UNC5D: variants seen among roughly 807,000 people sequenced by gnomAD.
UNC5D encodes unc-5 netrin receptor D, also known as netrin receptor UNC5D.
In UNC5D, 39 loss-of-function variants were observed where a neutral mutation model predicts 105.4. The observed-to-expected ratio is 0.37, with a 90% CI of 0.29 to 0.48. The LOEUF is 0.48. UNC5D is among the 20% of genes least tolerant of loss of function. UNC5D has a pLI of 0.98. For missense variants in UNC5D, 991 were observed against 1,202.4 expected (o/e 0.82, Z 2.60); for synonymous variants, 452 against 450.4 (o/e 1.00, Z -0.04).
intron 1 of UNC5D, among the ~76,000 whole-genome samples, chr8:35,502,330 G>T (rs894916167): frequency 2.0e-5 from 3 of 152,142 alleles, no homozygotes; most frequent in Non-Finnish European, 4.4e-5. Context: ...TAAAGAGTAG[G>T]TGCTATTCAG....
Position 35,259,747 on chromosome 8 carries a change from CT to C in UNC5D, c.103+23875del, listed in dbSNP as rs75188468. 9.2e-3 allele frequency among the ~76,000 whole-genome samples: 1,262 copies of C among 137,572 alleles called. 7 individuals are homozygous for C. The highest frequency in any genetic ancestry group is 0.015 in the African/African-American group (565 of 37,420). 90.3% of individuals were successfully genotyped at this position (137,572 alleles called of 152,430 possible). On this transcript the variant is annotated intron_variant, in intron 1 of 16. Transcript: ENST00000404895. The stretch of plus-strand genomic sequence containing the variant: ...AGAAGAGTGCAAAAAGCTGACTGAT[CT>C]TTTTTTTTTTTTTTAAATGCTGTAA...
chr8:35,295,467 G>A (rs979504051), intron 1 of UNC5D, among the ~76,000 whole-genome samples: 27 of 151,968 alleles, frequency 1.8e-4, no homozygotes, highest in African/African-American at 6.3e-4. Context: ...ACACAGCTCA[G>A]GCCTGTGTTG....
At chr8:35,546,608 A>C (rs1021964782) in intron 1 of UNC5D, among the ~76,000 whole-genome samples, 1 of 152,186 alleles carries the variant, frequency 6.6e-6, no homozygotes, top group Non-Finnish European at 1.5e-5. Context: ...TAAAGCCCCT[A>C]ATAGGAGTGT....
At chr8:35,602,233 C>A (rs922849897) in intron 4 of UNC5D, among the ~76,000 whole-genome samples, 1 of 152,164 alleles carries the variant, frequency 6.6e-6, no homozygotes, top group African/African-American at 2.4e-5. Context: ...CATCAGTGTT[C>A]ATCAAGGATA....
intron 1 of UNC5D, among the ~76,000 whole-genome samples, chr8:35,440,745 A>G (rs905869662): frequency 5.3e-5 from 8 of 151,958 alleles, no homozygotes; most frequent in African/African-American, 1.9e-4. Flanking sequence ...GCCAATTTTT[A>G]TCTTCCCTAG....
chr8:35,362,081 T>G (rs748221248), intron 1 of UNC5D, among the ~76,000 whole-genome samples: 7 of 152,186 alleles, frequency 4.6e-5, no homozygotes, highest in Non-Finnish European at 8.8e-5. Flanking sequence ...GTATCAGACA[T>G]GATCTAAGTT....
At chr8:35,642,004 A>G (rs1248553842) in intron 4 of UNC5D, among the ~76,000 whole-genome samples, 1 of 152,132 alleles carries the variant, frequency 6.6e-6, no homozygotes, top group Admixed American at 6.6e-5. Context: ...AGGGAGCTAA[A>G]ATCTCTCTTA....
chr8:35,697,343 T>C (rs927385297), intron 7 of UNC5D, among the ~76,000 whole-genome samples: 12 of 151,912 alleles, frequency 7.9e-5, no homozygotes, highest in African/African-American at 2.7e-4. Flanking sequence ...ATGTTTTTTT[T>C]TTTTTGGAGA....
chr8:35,654,630 T>C (rs1215074492), intron 4 of UNC5D, among the ~76,000 whole-genome samples: 1 of 152,194 alleles, frequency 6.6e-6, no homozygotes, highest in African/African-American at 2.4e-5. Flanking sequence ...TTGGTTTTTT[T>C]TTCTTTTTTT....
chr8:35,451,747 G>A (rs766126128), intron 1 of UNC5D, among the ~76,000 whole-genome samples: 5 of 152,096 alleles, frequency 3.3e-5, no homozygotes, highest in Non-Finnish European at 7.3e-5. Flanking sequence ...GTTTGAACTT[G>A]TTGCTGAATG....
chr8:35,549,594 A>AC, intron 2 of UNC5D, 84 bp downstream of exon 2: 1 of 1,305,694 alleles, frequency 7.7e-7, no homozygotes. Flanking sequence ...ACTGGAAATC[A>AC]CCCCCCATTG....
chr8:35,309,827 C>A (rs972549328), intron 1 of UNC5D, among the ~76,000 whole-genome samples: 2 of 152,082 alleles, frequency 1.3e-5, no homozygotes, highest in African/African-American at 4.8e-5. Flanking sequence ...TGGGATAGGG[C>A]CCAAATAATT....
intron 1 of UNC5D, among the ~76,000 whole-genome samples, chr8:35,252,810 A>G (rs1803801215): frequency 6.6e-6 from 1 of 152,142 alleles, no homozygotes; most frequent in Admixed American, 6.5e-5. Context: ...TGAACATGCT[A>G]TCTTTTCCAG....
At chr8:35,665,024 G>A (rs1039349890) in intron 4 of UNC5D, among the ~76,000 whole-genome samples, 2 of 151,982 alleles carry the variant, frequency 1.3e-5, no homozygotes, top group Admixed American at 1.3e-4. Flanking sequence ...TATAGAGACA[G>A]GGTCTTGTTT....
chr8:35,300,103 A>G (rs1807819443), intron 1 of UNC5D, among the ~76,000 whole-genome samples: 1 of 152,090 alleles, frequency 6.6e-6, no homozygotes, highest in Admixed American at 6.6e-5. Flanking sequence ...GAGGTAGTAG[A>G]GATGAGGAAG....
chr8:35,337,088 A>C (rs2128898343), intron 1 of UNC5D, among the ~76,000 whole-genome samples: 1 of 152,294 alleles, frequency 6.6e-6, no homozygotes, highest in African/African-American at 2.4e-5. Flanking sequence ...TGATTTAGAA[A>C]TCTTGCAGTG....
At chr8:35,411,829 G>A (rs1009904821) in intron 1 of UNC5D, among the ~76,000 whole-genome samples, 2 of 151,826 alleles carry the variant, frequency 1.3e-5, no homozygotes, top group Non-Finnish European at 2.9e-5. Flanking sequence ...ACCCAGAATG[G>A]TCCTTGCCAT....
At chr8:35,614,619 G>A (rs1448560429) in intron 4 of UNC5D, among the ~76,000 whole-genome samples, 1 of 151,992 alleles carries the variant, frequency 6.6e-6, no homozygotes, top group Non-Finnish European at 1.5e-5. Context: ...ACCAGTAAAT[G>A]ACTTCTCTGA....
At chr8:35,343,895 A>G (rs1811626764) in intron 1 of UNC5D, among the ~76,000 whole-genome samples, 1 of 152,124 alleles carries the variant, frequency 6.6e-6, no homozygotes, top group African/African-American at 2.4e-5. Context: ...CTTGCAGCTT[A>G]AAGTTATTAA....
Sources: gnomAD v4.1 joint callset for allele counts (sites outside exome capture counted in the v4.1 genomes callset) on GRCh38, gnomAD v4.1.1 for gene constraint, MANE v1.5 for transcripts, NCBI Gene and HGNC (gene_info 2026-07-23, HGNC 2026-07-21) for gene names.